Variants in NLRP12 observed in about 807,000 individuals in gnomAD.
The protein encoded by NLRP12 is NLR family pyrin domain containing 12, also known as NACHT, LRR and PYD domains-containing protein 12.
In NLRP12, 108 loss-of-function variants were observed where a neutral mutation model predicts 91.2. The observed-to-expected ratio is 1.18, with a 90% CI of 1.01 to 1.39. The LOEUF is 1.39. Among genes scored for constraint, NLRP12 ranks in the 40% most tolerant of loss-of-function variants. NLRP12 has a pLI of 0.00. For synonymous variants in NLRP12, 613 were observed against 566.7 expected (o/e 1.08, Z -1.16); for missense variants, 1,530 against 1,352.7 (o/e 1.13, Z -2.06).
chr19:53,799,639 T>G (rs1431783479), intron 7 of NLRP12, among the ~76,000 whole-genome samples: 1 of 151,890 alleles, frequency 6.6e-6, no homozygotes, highest in African/African-American at 2.4e-5. Context: ...TCCGCCACCA[T>G]GCCTGGCTAA....
intron 2 of NLRP12, among the ~76,000 whole-genome samples, chr19:53,813,203 C>T (rs1568685706): frequency 1.3e-5 from 2 of 150,818 alleles, no homozygotes; most frequent in African/African-American, 2.4e-5. Context: ...TTCCAGAATG[C>T]TTTCAGCATT....
Position 53,807,667 on chromosome 19 carries a change from T to C in NLRP12, c.2073-2A>G. ...TCCAGCAGAACGGTCCTCTCTGGTC[T>C]GCTTGAAGGAAAGACAGGCCACTCT... On this transcript the variant is annotated splice_acceptor_variant, in intron 3 of 9. Coordinates refer to ENST00000324134, the MANE Select transcript of NLRP12 (RefSeq NM_144687.4). LOFTEE classifies it high-confidence loss of function. 1 of 1,614,166 alleles carries C rather than the reference T, an allele frequency of 6.2e-7. No individual in the cohort carries two copies. The highest frequency in any genetic ancestry group is 8.5e-7 in the Non-Finnish European group (1 of 1,180,016).
Position 53,807,681 on chromosome 19 carries a change from A to G in NLRP12, c.2073-16T>C. The G allele has an allele frequency of 6.2e-7, 1 of 1,614,078 alleles. No individual in the cohort carries two copies. The highest frequency in any genetic ancestry group is 1.3e-5 in the African/African-American group (1 of 75,050). ...CCTCTCTGGTCTGCTTGAAGGAAAG[A>G]CAGGCCACTCTCTGGTGTTACTGGT... is the stretch of plus-strand genomic sequence containing the variant. On this transcript the variant is annotated splice_polypyrimidine_tract_variant and intron_variant, in intron 3 of 9. Coordinates refer to ENST00000324134, the MANE Select transcript of NLRP12 (RefSeq NM_144687.4).
chr19:53,809,515 A>G (rs2092018000), intron 3 of NLRP12, 72 bp downstream of exon 3: 3 of 1,311,818 alleles, frequency 2.3e-6, no homozygotes, highest in East Asian at 4.8e-5. Flanking sequence ...TAGGCAACAG[A>G]GCAAAAAAAA....
intron 1 of NLRP12, among the ~76,000 whole-genome samples, chr19:53,823,396 A>ATATATATTT (rs1362642253): frequency 2.2e-5 from 3 of 133,872 alleles, no homozygotes; most frequent in African/African-American, 8.3e-5. Context: ...CATATTTTAA[A>ATATATATTT]TATATATTTA....
chr19:53,820,604 G>A (rs2092251413), intron 1 of NLRP12, among the ~76,000 whole-genome samples: 1 of 152,132 alleles, frequency 6.6e-6, no homozygotes, highest in Non-Finnish European at 1.5e-5. Context: ...AGCTGTTCAA[G>A]AGGCTGAGGC....
chr19:53,814,864 C>T (rs1430068763), intron 2 of NLRP12, 44 bp downstream of exon 2: 1 of 1,525,264 alleles, frequency 6.6e-7, no homozygotes, highest in South Asian at 1.1e-5. Context: ...GGGTCAGCTG[C>T]TCTGTGTAGA....
At chr19:53,801,510 G>C in intron 6 of NLRP12, 113 bp from the exon 7 acceptor site, 1 of 1,412,078 alleles carries the variant, frequency 7.1e-7, no homozygotes, top group South Asian at 1.3e-5. Flanking sequence ...GGAATGCAGT[G>C]GTGCAATCTC....
chr19:53,809,804 C>A lies in NLRP12; in HGVS notation c.1855G>T (p.Glu619Ter). The A allele has an allele frequency of 1.2e-6, 2 of 1,614,096 alleles. No individual in the cohort carries two copies. Among genetic ancestry groups the A allele is most frequent in the Non-Finnish European group, 8.5e-7 (1 of 1,180,004 alleles). ...TGGATAAACTCCTCCTCCTGGATCT[C>A]GTACAAGCAGCTGAAGAACTCCAAG... ...GSLEFFSCLY[E>*]IQEEEFIQQA... is the part of the protein sequence containing the mutation. Residue 619 changes from glutamate (E) to a stop codon, truncating the protein, a stop_gained, in exon 3 of 10, where the codon GAG becomes TAG. Coordinates refer to ENST00000324134, the MANE Select transcript of NLRP12 (RefSeq NM_144687.4). LOFTEE classifies it high-confidence loss of function.
Position 53,807,653 on chromosome 19 carries a change from G to A in NLRP12, c.2085C>T (p.Thr695=), listed in dbSNP as rs2091983602. ...HTLLVQLPER[T]VLLDAYSEHL... ...GTTCACTGTAGGCGTCCAGCAGAAC[G>A]GTCCTCTCTGGTCTGCTTGAAGGAA... The change falls in exon 4 of 10, where the codon ACC becomes ACT. Residue 695 remains threonine, a synonymous_variant. Coordinates refer to ENST00000324134, the MANE Select transcript of NLRP12 (RefSeq NM_144687.4). 32 of 1,613,992 alleles carry A rather than the reference G, an allele frequency of 2.0e-5. No homozygotes were observed. Among genetic ancestry groups the A allele is most frequent in the Non-Finnish European group, 2.7e-5 (32 of 1,180,016 alleles).
chr19:53,797,563 C>A (rs1358817415), intron 8 of NLRP12, among the ~76,000 whole-genome samples: 1 of 151,918 alleles, frequency 6.6e-6, no homozygotes, highest in Non-Finnish European at 1.5e-5. Context: ...GGATTACAGG[C>A]ATGCGCCACC....
Position 53,801,816 on chromosome 19 carries a change from G to A in NLRP12, c.2586-419C>T, listed in dbSNP as rs114270122. Among the ~76,000 whole-genome samples, 595 of 152,106 alleles carry A rather than the reference G, an allele frequency of 3.9e-3. 5 individuals are homozygous for A. Among genetic ancestry groups the A allele is most frequent in the African/African-American group, 0.014 (565 of 41,538 alleles). On this transcript the variant is annotated intron_variant, in intron 6 of 9. Transcript: ENST00000324134. ...AATTTAAAAATGGGCAAAAGGGCCC[G>A]GCCTGGTGGCTCACGCCTGTAATCC...
At chr19:53,816,368 C>T (rs973457733) in intron 1 of NLRP12, among the ~76,000 whole-genome samples, 1 of 149,070 alleles carries the variant, frequency 6.7e-6, no homozygotes, top group African/African-American at 2.5e-5. Context: ...CTTGTTACTA[C>T]ACAGCCCGCC....
At chr19:53,822,718 C>T (rs140170012) in intron 1 of NLRP12, among the ~76,000 whole-genome samples, 1,705 of 128,110 alleles carry the variant, frequency 0.013, 34 homozygotes, top group African/African-American at 0.048. Flanking sequence ...GCCTGGGCAA[C>T]AGAGCGAGAC....
rs778376674 is a variant in NLRP12 at position 53,807,522 on chromosome 19, T to C, written c.2216A>G (p.His739Arg). 3.7e-6 allele frequency: 6 copies of C among 1,613,880 alleles called. No homozygotes were observed. The South Asian group carries it at 5.5e-5, about 15-fold the overall frequency. ...GVKLLCQGLRHPNCKLQNLRL... is the reference protein window; with the variant it reads ...GVKLLCQGLRRPNCKLQNLRL... ...CAGGTTCTGAAGTTTGCAGTTGGGG[T>C]GTCTGAGTCCTTGACAGAGCAGCTT... Residue 739 changes from histidine (H) to arginine (R), a missense_variant, in exon 4 of 10, where the codon CAC becomes CGC. His to Arg is a conservative substitution (Grantham distance 29, BLOSUM62 0). Transcript: ENST00000324134.
intron 6 of NLRP12, among the ~76,000 whole-genome samples, chr19:53,802,092 T>C (rs1287681526): frequency 1.3e-5 from 2 of 151,804 alleles, no homozygotes; most frequent in Non-Finnish European, 2.9e-5. Flanking sequence ...CTGGGCGTGG[T>C]GGCGCATGCC....
At position 53,824,106 on chromosome 19, in the gene NLRP12, C is replaced by T; in HGVS notation, c.69G>A (p.Val23=). Reference sequence around the variant, plus strand: ...GGTATAACTTGAACTTCTTCAGTTCCACAGCCTCGAGTTCTTCCAAGTAGG... The same window carrying T: ...GGTATAACTTGAACTTCTTCAGTTCTACAGCCTCGAGTTCTTCCAAGTAGG... The part of the protein sequence containing the change: ...LSTYLEELEA[V]ELKKFKLYLG... The change falls in exon 1 of 10, where the codon GTG becomes GTA. Residue 23 remains valine, a synonymous_variant. Transcript: ENST00000324134. 3 of 1,614,108 alleles carry T rather than the reference C, an allele frequency of 1.9e-6. No individual in the cohort carries two copies. The South Asian group carries it at 3.3e-5, about 18-fold the overall frequency.
At chr19:53,798,018 C>T (rs1047473746) in intron 8 of NLRP12, among the ~76,000 whole-genome samples, 9 of 152,190 alleles carry the variant, frequency 5.9e-5, no homozygotes. Flanking sequence ...TACAGGCATG[C>T]GCCATCGCGC....
chr19:53,819,640 T>TAC, intron 1 of NLRP12, among the ~76,000 whole-genome samples: 1 of 144,520 alleles, frequency 6.9e-6, no homozygotes, highest in Admixed American at 7.1e-5. Context: ...TATATATGTA[T>TAC]GTATACGTAT....
Sources: gnomAD v4.1 joint callset for allele counts (sites outside exome capture counted in the v4.1 genomes callset) on GRCh38, gnomAD v4.1.1 for gene constraint, MANE v1.5 for transcripts, NCBI Gene and HGNC (gene_info 2026-07-23, HGNC 2026-07-21) for gene names.